Variants in CENPP observed in about 807,000 individuals in gnomAD.
The protein encoded by CENPP is centromere protein P.
CENPP carries 24 observed loss-of-function variants against 35.6 expected under a neutral mutation model. The ratio of observed to expected loss-of-function variants is 0.67; its 90% CI spans 0.49 to 0.95. CENPP has a LOEUF of 0.95. Ranked by LOEUF, CENPP falls within the 40% of genes least tolerant of loss-of-function variation. The pLI is 0.00. For synonymous variants in CENPP, 120 were observed against 125.5 expected (o/e 0.96, Z 0.29); for missense variants, 332 against 345.3 (o/e 0.96, Z 0.31).
At chr9:92,540,731 A>G (rs978368382) in intron 5 of CENPP, among the ~76,000 whole-genome samples, 5 of 151,574 alleles carry the variant, frequency 3.3e-5, no homozygotes, top group African/African-American at 1.2e-4. Context: ...AGATCACACC[A>G]CTGCACTCTA....
At chr9:92,589,283 T>C (rs1311154672) in intron 5 of CENPP, among the ~76,000 whole-genome samples, 2 of 151,582 alleles carry the variant, frequency 1.3e-5, no homozygotes, top group East Asian at 3.9e-4. Context: ...GAGGCGGAGG[T>C]TGCAGTGAGC....
chr9:92,516,321 C>T (rs951114208), intron 5 of CENPP, among the ~76,000 whole-genome samples: 3 of 152,104 alleles, frequency 2.0e-5, no homozygotes, highest in African/African-American at 7.2e-5. Context: ...CCTCAGCCTC[C>T]CAAAGTGCTG....
At position 92,332,442 on chromosome 9, in the gene CENPP, A is replaced by G. The variant is rs562749618; in HGVS notation, c.289+91A>G. 5 of 860,362 alleles carry G rather than the reference A, an allele frequency of 5.8e-6. No individual in the cohort carries two copies. The Admixed American group carries it at 1.1e-4, about 18-fold the overall frequency. The allele number at this position is 860,362 out of a possible 1,614,324, so 53.3% of individuals were successfully genotyped here. On this transcript the variant is annotated intron_variant, in intron 2 of 7. Transcript: ENST00000375587. ...TGTCATAATATTGAATTAAAATTCT[A>G]CAAGGTAAGTATTTGAAAGTATGGT...
chr9:92,470,365 CT>C (rs1170440493), intron 5 of CENPP, among the ~76,000 whole-genome samples: 1 of 152,130 alleles, frequency 6.6e-6, no homozygotes, highest in African/African-American at 2.4e-5. Flanking sequence ...TAATTGTTTT[CT>C]TGTTCATTTT....
chr9:92,591,337 T>C (rs985151062), intron 5 of CENPP, among the ~76,000 whole-genome samples: 9 of 151,938 alleles, frequency 5.9e-5, no homozygotes. Context: ...GAGAATGGCA[T>C]GAACCCGGGA....
intron 7 of CENPP, among the ~76,000 whole-genome samples, 177 bp downstream of exon 7, chr9:92,612,791 G>A (rs554120498): frequency 6.6e-6 from 1 of 152,284 alleles, no homozygotes; most frequent in African/African-American, 2.4e-5. Context: ...AACATGAAAA[G>A]GGATTGCTGC....
At chr9:92,538,434 T>C (rs1406415547) in intron 5 of CENPP, among the ~76,000 whole-genome samples, 1 of 152,216 alleles carries the variant, frequency 6.6e-6, no homozygotes. Context: ...ACTATGTTCT[T>C]TTATATTTTT....
At chr9:92,453,967 GAAAA>G (rs1024277608) in intron 5 of CENPP, among the ~76,000 whole-genome samples, 2 of 142,884 alleles carry the variant, frequency 1.4e-5, no homozygotes, top group Admixed American at 7.0e-5. Flanking sequence ...GGAAAAAAAA[GAAAA>G]AAAAAAAGTT....
At chr9:92,332,472 G>T in intron 2 of CENPP, 121 bp downstream of exon 2, 2 of 729,058 alleles carry the variant, frequency 2.7e-6, no homozygotes, top group Non-Finnish European at 4.2e-6. Flanking sequence ...TATGGTTGTG[G>T]TAAACTTGTT....
chr9:92,384,678 G>A (rs1337437347), intron 5 of CENPP: 1 of 152,092 alleles, frequency 6.6e-6, no homozygotes, highest in Non-Finnish European at 1.5e-5. Flanking sequence ...AGTGAACATG[G>A]ATGTGTATGG....
chr9:92,398,933 G>A lies in CENPP; in HGVS notation c.564+19074G>A, dbSNP rs139832403. Among the ~76,000 whole-genome samples the A allele has an allele frequency of 1.1e-4, 17 of 152,050 alleles. No individual in the cohort carries two copies. The East Asian group carries it at 1.4e-3, about 12-fold the overall frequency. On this transcript the variant is annotated intron_variant, in intron 5 of 7. Coordinates refer to ENST00000375587, the MANE Select transcript of CENPP (RefSeq NM_001012267.3). ...ATAAATTAGCCTGGCGTGGTGGCGC[G>A]TGCCTGTAATCCCAGCTACTCGGAG...
In CENPP at chr9:92,620,293, C is replaced by G. The variant is rs1398015115; in HGVS notation, c.*7144C>G. The G allele has an allele frequency of 6.6e-6, 1 of 152,622 alleles. No homozygotes were observed. Among genetic ancestry groups the G allele is most frequent in the Non-Finnish European group, 1.5e-5 (1 of 68,354 alleles). 9.5% of individuals were successfully genotyped at this position (152,622 alleles called of 1,614,324 possible). On this transcript the variant is annotated 3_prime_UTR_variant, in exon 8 of 8. Transcript: ENST00000375587. ...CTGTCCATACTGACCAGGGACAGCT[C>G]AACACACACCACACTGTCAGAGTCG...
At chr9:92,352,327 G>A (rs1279364499) in intron 4 of CENPP, among the ~76,000 whole-genome samples, 1 of 149,780 alleles carries the variant, frequency 6.7e-6, no homozygotes, top group Non-Finnish European at 1.5e-5. Flanking sequence ...CCAAGATTGT[G>A]CCACTGCACT....
chr9:92,428,876 G>C (rs968302067), intron 5 of CENPP, among the ~76,000 whole-genome samples: 1 of 143,866 alleles, frequency 7.0e-6, no homozygotes, highest in Non-Finnish European at 1.6e-5. Context: ...ACCCACACTG[G>C]CTTCTTTTTG....
chr9:92,533,070 T>G (rs1270086066), intron 5 of CENPP, among the ~76,000 whole-genome samples: 2 of 151,642 alleles, frequency 1.3e-5, no homozygotes, highest in African/African-American at 4.8e-5. Context: ...AGGCCAAGGC[T>G]AGCGGATCAC....
chr9:92,536,168 G>A (rs1849153094), intron 5 of CENPP: 1 of 373,746 alleles, frequency 2.7e-6, no homozygotes, highest in Non-Finnish European at 5.0e-6. Flanking sequence ...GTTACCAAGG[G>A]AAATATTTTT....
chr9:92,403,311 A>C, intron 5 of CENPP: 1 of 1,612,294 alleles, frequency 6.2e-7, no homozygotes, highest in Non-Finnish European at 8.5e-7. Context: ...TCTGTTCCAT[A>C]ATCATAGATA....
chr9:92,483,699 C>T (rs187703018), intron 5 of CENPP, among the ~76,000 whole-genome samples: 1 of 152,330 alleles, frequency 6.6e-6, no homozygotes, highest in East Asian at 1.9e-4. Flanking sequence ...TTCCCTCTCT[C>T]CAGAGAAATG....
rs544795732 is a variant in CENPP, at chr9:92,600,143, G to A, written c.565-11171G>A. On this transcript the variant is annotated intron_variant, in intron 5 of 7. Coordinates refer to ENST00000375587, the MANE Select transcript of CENPP (RefSeq NM_001012267.3). ...TTACAGACACTGAAGTCTGAAGTTT[G>A]CATTTAATGTAATTTTCACATGTCA... The A allele has an allele frequency of 4.4e-4, 225 of 516,650 alleles. 1 individual carries two copies. Among genetic ancestry groups the A allele is most frequent in the Middle Eastern group, 1.3e-3 (2 of 1,520 alleles). The allele number at this position is 516,650 out of a possible 1,614,324, so 32.0% of individuals were successfully genotyped here. A position where few individuals can be genotyped will look rare whatever the true frequency, so the allele number is the denominator to read the frequency against.
Sources: gnomAD v4.1 joint callset for allele counts (sites outside exome capture counted in the v4.1 genomes callset) on GRCh38, gnomAD v4.1.1 for gene constraint, MANE v1.5 for transcripts, NCBI Gene and HGNC (gene_info 2026-07-23, HGNC 2026-07-21) for gene names.